GABRR3: variants seen among roughly 807,000 people sequenced by gnomAD.
GABRR3 encodes gamma-aminobutyric acid type A receptor subunit rho3.
GABRR3 carries 29 observed loss-of-function variants against 43.2 expected under a neutral mutation model. The observed-to-expected ratio is 0.67, with a 90% CI of 0.50 to 0.92. The LOEUF (loss-of-function observed/expected upper bound fraction) is 0.92, where lower values mean the gene tolerates loss of function less well. Among genes scored for constraint, GABRR3 ranks in the 40% least tolerant of loss-of-function variants. The pLI is 0.00. For synonymous variants in GABRR3, 206 were observed against 195.9 expected, an observed-to-expected ratio of 1.05 and a Z score of -0.43; for missense variants, 576 against 572.3, an observed-to-expected ratio of 1.01 and a Z score of -0.07.
chr3:98,030,569 C>T (rs1266334291), intron 2 of GABRR3, among the ~76,000 whole-genome samples: 2 of 152,136 alleles, frequency 1.3e-5, no homozygotes. Context: ...TTCTAGGTAT[C>T]TTTTTCCACA....
At chr3:98,018,467 G>T (rs1046653022) in intron 3 of GABRR3, among the ~76,000 whole-genome samples, 1 of 152,178 alleles carries the variant, frequency 6.6e-6, no homozygotes, top group Non-Finnish European at 1.5e-5. Context: ...GAGTCACCCA[G>T]AATCAGGTTC....
At position 98,018,066 on chromosome 3, in the gene GABRR3, G is replaced by C. The variant is rs529215888; in HGVS notation, c.239-344C>G. 2.0e-5 allele frequency among the ~76,000 whole-genome samples: 3 copies of C among 148,702 alleles called. 1 individual carries two copies. Among genetic ancestry groups the C allele is most frequent in the South Asian group, 4.3e-4 (2 of 4,676 alleles). ...TACTAGTGATTTAAAAAGGAAAAGT[G>C]TTTTGAAAACATGTCTTAAGAGTAT... On this transcript the variant is annotated intron_variant, in intron 3 of 9. Transcript: ENST00000621172.
At chr3:97,993,592 T>C (rs1706500016) in intron 8 of GABRR3, among the ~76,000 whole-genome samples, 1 of 152,200 alleles carries the variant, frequency 6.6e-6, no homozygotes, top group Non-Finnish European at 1.5e-5. Flanking sequence ...GTTATTCTCT[T>C]TGTCGATTGT....
Position 97,986,723 on chromosome 3 carries a change from T to C in GABRR3, c.1364A>G (p.Tyr455Cys), listed in dbSNP as rs374062365. 1.3e-4 allele frequency: 207 copies of C among 1,574,744 alleles called. No individual in the cohort carries two copies. In the Middle Eastern group the frequency reaches 1.3e-3, roughly 10 times the overall value. The change falls in exon 10 of 10, where the codon TAT becomes TGT. Residue 455 changes from tyrosine to cysteine, a missense_variant. Tyr to Cys is a radical substitution (Grantham distance 194). Coordinates refer to ENST00000621172, the Ensembl canonical transcript of GABRR3. ...CCAGTAAAACAAATTAAATAAAATA[T>C]ACACAATGGGGAATAAAATCCTAGA...
At chr3:98,023,786 A>G (rs1002591227) in intron 3 of GABRR3, among the ~76,000 whole-genome samples, 2 of 152,232 alleles carry the variant, frequency 1.3e-5, no homozygotes, top group East Asian at 1.9e-4. Context: ...CAAAAAATTA[A>G]ACTCACCATG....
intron 4 of GABRR3, among the ~76,000 whole-genome samples, chr3:98,015,834 C>A (rs770431472): frequency 6.6e-6 from 1 of 152,066 alleles, no homozygotes; most frequent in Non-Finnish European, 1.5e-5. Flanking sequence ...AATTTGATAC[C>A]CAGTGTTGGA....
At chr3:98,012,600 A>ATATTCCTACTGGTTTTTTT in intron 4 of GABRR3, 33 bp from the exon 5 acceptor site, 1 of 1,333,876 alleles carries the variant, frequency 7.5e-7, no homozygotes, top group Non-Finnish European at 1.1e-6. Context: ...CAAAAAAACC[A>ATATTCCTACTGGTTTTTTT]GTAGGAATAT....
At chr3:98,029,131 G>A (rs1330083626) in intron 2 of GABRR3, among the ~76,000 whole-genome samples, 1 of 152,146 alleles carries the variant, frequency 6.6e-6, no homozygotes, top group Non-Finnish European at 1.5e-5. Context: ...GATGGGATCA[G>A]GCAAAGAAAT....
At chr3:97,990,960 A>T (rs2107225243) in intron 9 of GABRR3, among the ~76,000 whole-genome samples, 1 of 152,350 alleles carries the variant, frequency 6.6e-6, no homozygotes, top group African/African-American at 2.4e-5. Context: ...ACAATTAAAA[A>T]GTGAAAAATA....
intron 7 of GABRR3, among the ~76,000 whole-genome samples, chr3:98,005,643 A>G (rs1706715167): frequency 6.6e-6 from 1 of 152,194 alleles, no homozygotes; most frequent in African/African-American, 2.4e-5. Context: ...GTAGGGCTCA[A>G]AAAGTCTGAC....
In GABRR3 at chr3:97,986,709, AATT is replaced by A. The variant is rs1225887505; in HGVS notation, c.1375_1377del (p.Asn459del). The A allele has an allele frequency of 3.2e-6, 5 of 1,562,492 alleles. No individual in the cohort carries two copies. The East Asian group carries it at 9.3e-5, about 29-fold the overall frequency. On this transcript the variant is annotated inframe_deletion, in exon 10 of 10. Transcript: ENST00000621172. ...CATACATATACACCCCAGTAAAACAAATTAAATAAAATATACACAATGGGGAAT... is the reference window on the plus strand; with the variant it reads ...CATACATATACACCCCAGTAAAACAAAAATAAAATATACACAATGGGGAAT...
rs1267442026 is a variant in GABRR3 at position 98,012,324 on chromosome 3, C to T, written c.530+20G>A. The T allele has an allele frequency of 8.2e-6, 13 of 1,594,620 alleles. No individual in the cohort carries two copies. The highest frequency in any genetic ancestry group is 6.7e-5 in the South Asian group (6 of 90,076). On this transcript the variant is annotated intron_variant, in intron 5 of 9. Transcript: ENST00000621172. The stretch of plus-strand genomic sequence containing the variant: ...GGCTGCAGTACAGGGAAGCCAAAGG[C>T]GATAGGCAGCTTTCCTTACCTGAGA...
In GABRR3 at chr3:98,008,757, T is replaced by A. The variant is rs575297980; in HGVS notation, c.613+199A>T. ...CACTTTTCCCCTGAACCTTCTCCTTTAACAGACAAACTGCCATCAACCTTC... is the reference window on the plus strand; with the variant it reads ...CACTTTTCCCCTGAACCTTCTCCTTAAACAGACAAACTGCCATCAACCTTC... On this transcript the variant is annotated intron_variant, in intron 6 of 9. Coordinates refer to ENST00000621172, the Ensembl canonical transcript of GABRR3. Among the ~76,000 whole-genome samples the A allele has an allele frequency of 8.8e-3, 1,161 of 132,246 alleles. 11 individuals carry two copies. Among genetic ancestry groups the A allele is most frequent in the African/African-American group, 0.033 (1,114 of 33,676 alleles). 86.8% of individuals were successfully genotyped at this position (132,246 alleles called of 152,430 possible).
chr3:98,025,638 G>T, exon 3 of GABRR3: 2 of 1,612,704 alleles, frequency 1.2e-6, no homozygotes, highest in Non-Finnish European at 1.7e-6. Context: ...CTGAGGCCGC[G>T]CTTTGGTACT....
intron 7 of GABRR3, among the ~76,000 whole-genome samples, chr3:98,007,367 G>C (rs1445654315): frequency 6.6e-6 from 1 of 152,154 alleles, no homozygotes; most frequent in African/African-American, 2.4e-5. Flanking sequence ...AGAGTAGCAG[G>C]TGGTGAGGGG....
At chr3:97,988,879 G>A (rs1456454034) in intron 9 of GABRR3, among the ~76,000 whole-genome samples, 1 of 150,986 alleles carries the variant, frequency 6.6e-6, no homozygotes. Context: ...GGTGGTGAAT[G>A]GTGGTAGTGG....
intron 4 of GABRR3, among the ~76,000 whole-genome samples, chr3:98,013,606 G>C (rs188207131): frequency 1.2e-4 from 19 of 152,218 alleles, no homozygotes; most frequent in African/African-American, 4.3e-4. Flanking sequence ...TACAAACAAA[G>C]GATACATTTC....
intron 7 of GABRR3, among the ~76,000 whole-genome samples, chr3:98,005,398 ACAAAG>A (rs1360562083): frequency 1.3e-5 from 2 of 152,210 alleles, no homozygotes; most frequent in Non-Finnish European, 2.9e-5. Flanking sequence ...CTCATGTTAC[ACAAAG>A]CATGTACATT....
At chr3:98,019,222 G>A (rs1285080805) in intron 3 of GABRR3, among the ~76,000 whole-genome samples, 1 of 152,200 alleles carries the variant, frequency 6.6e-6, no homozygotes, top group African/African-American at 2.4e-5. Flanking sequence ...CTTCCTTAAT[G>A]AGGCTGAGGC....
Sources: allele counts gnomAD v4.1 joint callset (sites outside exome capture counted in the v4.1 genomes callset), GRCh38; gene constraint gnomAD v4.1.1; transcripts MANE v1.5; gene names NCBI Gene and HGNC (gene_info 2026-07-23, HGNC 2026-07-21).